The following TTN variants were observed in gnomAD, a reference collection of about 807,000 sequenced individuals.
TTN encodes the protein titin.
In TTN, 1,525 loss-of-function variants were observed where a neutral mutation model predicts 3,223.0. The observed-to-expected ratio is 0.47, with a 90% CI of 0.45 to 0.49. The LOEUF is 0.49. Among genes scored for constraint, TTN ranks in the 20% least tolerant of loss-of-function variants. The probability of loss-of-function intolerance (pLI) is 0.00; values close to 1 mark genes in which losing one functional copy is unlikely to be tolerated. For missense variants in TTN, 40,786 were observed against 43,424.0 expected (o/e 0.94, Z 5.40); for synonymous variants, 14,094 against 15,161.0 (o/e 0.93, Z 5.17).
In TTN at chr2:178,729,293, A is replaced by T. The variant is rs1381105393; in HGVS notation, c.18863T>A (p.Leu6288Gln). The T allele has an allele frequency of 1.3e-6, 2 of 1,591,242 alleles. No homozygotes were observed. Among genetic ancestry groups the T allele is most frequent in the Non-Finnish European group, 1.7e-6 (2 of 1,167,406 alleles). Residue 6288 changes from leucine (L) to glutamine (Q), a missense_variant, in exon 64 of 363, where the codon CTG becomes CAG. By Grantham distance (113) the Leu-to-Gln change is moderately radical. Transcript: ENST00000589042. ...GSCSCSTRVA[L>Q]KEPPSFIKKI... is the part of the protein sequence containing the mutation. ...CTGCTTCTTGTATAACTGACCTTTC[A>T]GGGCAACTCTAGTACTGCATGAGCA...
rs1214607347 is a variant in TTN at position 178,568,461 on chromosome 2, G to T, written c.77671C>A (p.Pro25891Thr). 2.5e-6 allele frequency: 4 copies of T among 1,613,322 alleles called. No individual in the cohort carries two copies. The highest frequency in any genetic ancestry group is 2.2e-5 in the East Asian group (1 of 44,754). The change falls in exon 326 of 363, where the codon CCT becomes ACT. Residue 25891 changes from proline to threonine, a missense_variant. By Grantham distance (38) the Pro-to-Thr change is conservative (BLOSUM62 -1). Coordinates refer to ENST00000589042, the MANE Select transcript of TTN (RefSeq NM_001267550.2). ...ASIEIVTLDK[P>T]DPPKGPVKFD... The stretch of plus-strand genomic sequence containing the variant: ...TTAACAGGTCCTTTTGGAGGATCAG[G>T]TTTATCTAGAGTTACAATTTCGATG...
Position 178,537,539 on chromosome 2 carries a change from C to T in TTN, c.99668G>A (p.Arg33223His), listed in dbSNP as rs369081242. 71 of 1,613,652 alleles carry T rather than the reference C, an allele frequency of 4.4e-5. No homozygotes were observed. Among genetic ancestry groups the T allele is most frequent in the African/African-American group, 2.8e-4 (21 of 75,004 alleles). Residue 33223 changes from arginine to histidine, a missense_variant, in exon 355 of 363, where the codon CGT becomes CAT. By Grantham distance (29) the Arg-to-His change is conservative. Coordinates refer to ENST00000589042, the MANE Select transcript of TTN (RefSeq NM_001267550.2). ...GAACCAAGTCATGGCAGGTACTGGA[C>T]GACCAATGTACATAACATGAAGCCG... ...TLRLHVMYIGRPVPAMTWFHG... is the reference protein window; with the variant it reads ...TLRLHVMYIGHPVPAMTWFHG...
In TTN at chr2:178,784,109, A is replaced by G. The variant is rs1178630887; in HGVS notation, c.2736T>C (p.Arg912=). 6 of 1,613,950 alleles carry G rather than the reference A, an allele frequency of 3.7e-6. No homozygotes were observed. The South Asian group carries it at 5.5e-5, about 15-fold the overall frequency. ...VGVSITGTTV[R]EERFEVLHGR... is the part of the protein sequence containing the mutation. ...CGTGCAGTACTTCAAAGCGCTCTTC[A>G]CGGACGGTGGTGCCAGTGATGCTCA... Residue 912 remains arginine (R), a synonymous_variant, in exon 16 of 363, where the codon CGT becomes CGC. Transcript: ENST00000589042.
In TTN at chr2:178,615,496, G is replaced by A. The variant is rs2057164788; in HGVS notation, c.48461-12C>T. ...TGGGTCAGGTACCGCTACAACATTT[G>A]GAAGAGAGAGTCAGTCTTACACAGG... On this transcript the variant is annotated splice_polypyrimidine_tract_variant and intron_variant, in intron 258 of 362. Coordinates refer to ENST00000589042, the MANE Select transcript of TTN (RefSeq NM_001267550.2). 1.2e-6 allele frequency: 2 copies of A among 1,609,864 alleles called. No homozygotes were observed. The highest frequency in any genetic ancestry group is 3.4e-5 in the Admixed American group (2 of 59,628).
Position 178,605,473 on chromosome 2 carries a change from T to C in TTN, c.53822A>G (p.Asn17941Ser). Reference protein sequence around the residue: ...QMYEFRVKAVNEIGESEPSLP... With the variant: ...QMYEFRVKAVSEIGESEPSLP... Reference sequence around the variant, plus strand: ...GGATGGTTCACTTTCACCAATTTCATTGACAGCTTTGACACGGAACTCATA... The same window carrying C: ...GGATGGTTCACTTTCACCAATTTCACTGACAGCTTTGACACGGAACTCATA... Residue 17941 changes from asparagine to serine, a missense_variant, in exon 279 of 363, where the codon AAT becomes AGT. Transcript: ENST00000589042. The C allele has an allele frequency of 6.2e-7, 1 of 1,611,930 alleles. No homozygotes were observed. The highest frequency in any genetic ancestry group is 8.5e-7 in the Non-Finnish European group (1 of 1,178,682).
Position 178,560,730 on chromosome 2 carries a change from A to G in TTN, c.85402T>C (p.Cys28468Arg), listed in dbSNP as rs1553563147. The G allele has an allele frequency of 2.5e-6, 4 of 1,613,698 alleles. No individual in the cohort carries two copies. The highest frequency in any genetic ancestry group is 3.4e-6 in the Non-Finnish European group (4 of 1,179,806). Reference sequence around the variant, plus strand: ...TGGGGACGTCCCCAGGAAAGAGAGCATTTCTCAGCAGTGAGGCCATTTATT... The same window carrying G: ...TGGGGACGTCCCCAGGAAAGAGAGCGTTTCTCAGCAGTGAGGCCATTTATT... ...LEINGLTAEK[C>R]SLSWGRPQED... The change falls in exon 326 of 363, where the codon TGC becomes CGC. Residue 28468 changes from cysteine (C) to arginine (R), a missense_variant. Physicochemically the swap from Cys to Arg is radical, Grantham distance 180. Coordinates refer to ENST00000589042, the MANE Select transcript of TTN (RefSeq NM_001267550.2).
chr2:178,748,172 A>G, intron 47 of TTN: 1 of 1,613,162 alleles, frequency 6.2e-7, no homozygotes, highest in Non-Finnish European at 8.5e-7. Flanking sequence ...AGTTTCTTCT[A>G]TATCTGCAGA....
chr2:178,612,891 G>C lies in TTN; in HGVS notation c.49830C>G (p.His16610Gln). The C allele has an allele frequency of 1.2e-6, 2 of 1,612,556 alleles. No individual in the cohort carries two copies. The highest frequency in any genetic ancestry group is 3.3e-4 in the Middle Eastern group (2 of 6,048). Reference protein sequence around the residue: ...RVAEGVPTTQHLLPGLMEGQE... With the variant: ...RVAEGVPTTQQLLPGLMEGQE... ...GTCCTTCCATGAGCCCTGGGAGCAA[G>C]TGCTGAGTGGTGGGAACCCCTTCCG... The change falls in exon 265 of 363, where the codon CAC becomes CAG. Residue 16610 changes from histidine to glutamine, a missense_variant. Coordinates refer to ENST00000589042, the MANE Select transcript of TTN (RefSeq NM_001267550.2).
rs781171748 is a variant in TTN at position 178,717,247 on chromosome 2, A to G, written c.25487T>C (p.Ile8496Thr). 1 of 1,613,704 alleles carries G rather than the reference A, an allele frequency of 6.2e-7. No individual in the cohort carries two copies. The highest frequency in any genetic ancestry group is 2.2e-5 in the East Asian group (1 of 44,874). Residue 8496 changes from isoleucine (I) to threonine (T), a missense_variant, in exon 88 of 363, where the codon ATT (isoleucine) becomes ACT (threonine). Transcript: ENST00000589042. The part of the protein sequence containing the change: ...KITWAKDNRE[I>T]RPGGNYKMTL... Reference sequence around the variant, plus strand: ...CATCTTGTAGTTGCCTCCAGGGCGAATCTCTCGGTTATCTTTGGCCCAAGT... The same window carrying G: ...CATCTTGTAGTTGCCTCCAGGGCGAGTCTCTCGGTTATCTTTGGCCCAAGT...
rs1256480602 is a variant in TTN, at chr2:178,531,710, G to T, written c.104905C>A (p.Pro34969Thr). Residue 34969 changes from proline to threonine, a missense_variant, in exon 358 of 363, where the codon CCA becomes ACA. Coordinates refer to ENST00000589042, the MANE Select transcript of TTN (RefSeq NM_001267550.2). ...TRFILNVQSK[P>T]TAEVKWYHNG... ...TGGTACCATTTAACCTCGGCAGTTG[G>T]CTTAGACTGAACATTTAAAATAAAA... The T allele has an allele frequency of 6.2e-7, 1 of 1,613,848 alleles. No individual in the cohort carries two copies. Among genetic ancestry groups the T allele is most frequent in the African/African-American group, 1.3e-5 (1 of 74,916 alleles).
At chr2:178,702,812 C>T (rs937959387) in intron 106 of TTN, 149 bp from the exon 107 acceptor site, 1 of 742,096 alleles carries the variant, frequency 1.3e-6, no homozygotes, top group African/African-American at 1.8e-5. Flanking sequence ...AGAAGAAATG[C>T]ACTCTTCTTT....
chr2:178,615,710 C>A lies in TTN; in HGVS notation c.48391G>T (p.Ala16131Ser), dbSNP rs571868215. The change falls in exon 258 of 363, where the codon GCT becomes TCT. Residue 16131 changes from alanine (A) to serine (S), a missense_variant. By Grantham distance (99) the Ala-to-Ser change is moderately conservative. Coordinates refer to ENST00000589042, the MANE Select transcript of TTN (RefSeq NM_001267550.2). ...TCTCCAGGGCCACATTTGTTACGAG[C>A]ACAAACTTTAAATAAGTACTCTTTT... ...QGKEYLFKVC[A>S]RNKCGPGEPA... is the part of the protein sequence containing the mutation. 6.8e-6 allele frequency: 11 copies of A among 1,612,438 alleles called. No individual in the cohort carries two copies. In the South Asian group the frequency reaches 1.2e-4, roughly 18 times the overall value.
In TTN at chr2:178,722,556, G is replaced by A. The variant is rs779022399; in HGVS notation, c.22241-10C>T. ...GGTGGGAGTTGGCGCTCTGTAGGGAGACATGTAATACTTAAGGTGTTAGGA... is the reference window on the plus strand; with the variant it reads ...GGTGGGAGTTGGCGCTCTGTAGGGAAACATGTAATACTTAAGGTGTTAGGA... On this transcript the variant is annotated splice_polypyrimidine_tract_variant and intron_variant, in intron 76 of 362. Transcript: ENST00000589042. The A allele has an allele frequency of 1.9e-6, 3 of 1,608,184 alleles. No homozygotes were observed. Among genetic ancestry groups the A allele is most frequent in the Non-Finnish European group, 2.5e-6 (3 of 1,176,696 alleles).
Position 178,580,036 on chromosome 2 carries a change from A to G in TTN, c.67251T>C (p.Asn22417=). Residue 22417 remains asparagine (N), a synonymous_variant, in exon 318 of 363, where the codon AAT becomes AAC. Coordinates refer to ENST00000589042, the MANE Select transcript of TTN (RefSeq NM_001267550.2). ...ECSKTSFRVA[N]LEEGKSYFFR... ...AGAAGTAGGATTTTCCCTCCTCCAA[A>G]TTAGCTACTCTGAAGCTTGTTTTGG... 6.2e-7 allele frequency: 1 copy of G among 1,613,310 alleles called. No individual in the cohort carries two copies. Among genetic ancestry groups the G allele is most frequent in the Non-Finnish European group, 8.5e-7 (1 of 1,179,476 alleles).
Position 178,681,375 on chromosome 2 carries a change from C to T in TTN, c.33247+1G>A, listed in dbSNP as rs1450969345. 11 of 1,610,870 alleles carry T rather than the reference C, an allele frequency of 6.8e-6. No homozygotes were observed. The East Asian group carries it at 2.2e-4, about 33-fold the overall frequency. ...TTGGTGATTATTACTCAGTAATGTA[C>T]CTTTGGGTGGTGGAGGTTTGAGTTT... On this transcript the variant is annotated splice_donor_variant, in intron 137 of 362. Transcript: ENST00000589042. LOFTEE classifies it high-confidence loss of function.
intron 69 of TTN, 86 bp downstream of exon 69, chr2:178,727,004 A>C (rs1295698178): frequency 2.8e-5 from 35 of 1,245,608 alleles, no homozygotes; most frequent in Non-Finnish European, 3.3e-5. Context: ...TGGAAACTAA[A>C]ATGATAGTAA....
chr2:178,728,666 T>G lies in TTN; in HGVS notation c.19260A>C (p.Lys6420Asn). 6.2e-7 allele frequency: 1 copy of G among 1,613,396 alleles called. No homozygotes were observed. Among genetic ancestry groups the G allele is most frequent in the Non-Finnish European group, 8.5e-7 (1 of 1,179,564 alleles). The change falls in exon 66 of 363, where the codon AAA (lysine) becomes AAC (asparagine). Residue 6420 changes from lysine to asparagine, a missense_variant. Transcript: ENST00000589042. ...TACTGGGAACTATTTGTTTCCCGTC[T>G]TTAAGCCATTTCACTTTGAGTTCTG... ...GTPELKVKWL[K>N]DGKQIVPSRY...
rs201897825 is a variant in TTN, at chr2:178,532,708, C to T, written c.103907G>A (p.Arg34636His). Residue 34636 changes from arginine to histidine, a missense_variant, in exon 358 of 363, where the codon CGC becomes CAC. Arg to His is a conservative substitution (Grantham distance 29). Coordinates refer to ENST00000589042, the MANE Select transcript of TTN (RefSeq NM_001267550.2). ...ATAATCAGGAGAAGGTGTACGCCGG[C>T]GGGCTGGTCTCACTATCTCAAGATC... Reference protein sequence around the residue: ...QDDLEIVRPARRRTPSPDYDF... With the variant: ...QDDLEIVRPAHRRTPSPDYDF... The T allele has an allele frequency of 9.3e-6, 15 of 1,613,788 alleles. No homozygotes were observed. In the Admixed American group the frequency reaches 1.0e-4, roughly 11 times the overall value.
In TTN at chr2:178,697,128, TG is replaced by T; in HGVS notation, c.30794del (p.Pro10265GlnfsTer17). On this transcript the variant is annotated frameshift_variant, in exon 113 of 363. Coordinates refer to ENST00000589042, the MANE Select transcript of TTN (RefSeq NM_001267550.2). LOFTEE classifies it high-confidence loss of function. ...KKPPPPTTLI[P>X]AKAPEIIDVS... ...TAATTTATCTTTATTTACCTTTTGC[TG>T]GAATTAAGGTAGTAGGAGGTGGAGG... The T allele has an allele frequency of 6.4e-7, 1 of 1,551,746 alleles. No homozygotes were observed. Among genetic ancestry groups the T allele is most frequent in the Non-Finnish European group, 8.7e-7 (1 of 1,146,390 alleles).
Sources: gnomAD v4.1 joint callset for allele counts on GRCh38, gnomAD v4.1.1 for gene constraint, MANE v1.5 for transcripts, NCBI Gene and HGNC (gene_info 2026-07-23, HGNC 2026-07-21) for gene names.